DNAAF5: variants seen among roughly 807,000 people sequenced by gnomAD.
DNAAF5 encodes HEAT repeat containing 2.
DNAAF5 carries 64 observed loss-of-function variants against 75.8 expected under a neutral mutation model. The observed-to-expected ratio is 0.84, with a 90% confidence interval of 0.69 to 1.04. The LOEUF (loss-of-function observed/expected upper bound fraction) is 1.04, where lower values mean the gene tolerates loss of function less well. Ranked by LOEUF, DNAAF5 falls within the 50% of genes least tolerant of loss-of-function variation. DNAAF5 has a pLI of 0.00. For missense variants in DNAAF5, 1,269 were observed against 1,178.5 expected, an observed-to-expected ratio of 1.08 and a Z score of -1.12; for synonymous variants, 657 against 557.2, an observed-to-expected ratio of 1.18 and a Z score of -2.52.
intron 8 of DNAAF5, among the ~76,000 whole-genome samples, chr7:767,700 C>T (rs1444139911): frequency 6.6e-6 from 1 of 151,868 alleles, no homozygotes; most frequent in African/African-American, 2.4e-5. Context: ...AGGGGAGACA[C>T]GTGATCAGGG....
chr7:739,330 G>A (rs549839342), intron 2 of DNAAF5, among the ~76,000 whole-genome samples: 7 of 152,334 alleles, frequency 4.6e-5, no homozygotes, highest in East Asian at 1.9e-4. Flanking sequence ...AGGTGCGGCC[G>A]TGGCAGGTGT....
At chr7:737,979 ATAT>A (rs1781788819) in intron 2 of DNAAF5, among the ~76,000 whole-genome samples, 1 of 151,994 alleles carries the variant, frequency 6.6e-6, no homozygotes, top group Admixed American at 6.6e-5. Context: ...AAATTCTTTG[ATAT>A]TATCCCTTTG....
intron 4 of DNAAF5, among the ~76,000 whole-genome samples, chr7:745,072 T>G (rs1782040894): frequency 6.6e-6 from 1 of 152,186 alleles, no homozygotes; most frequent in Non-Finnish European, 1.5e-5. Flanking sequence ...TCTGCGTTGG[T>G]CGGACCTTTA....
intron 9 of DNAAF5, among the ~76,000 whole-genome samples, chr7:773,642 G>T (rs965140763): frequency 8.5e-5 from 13 of 152,176 alleles, no homozygotes; most frequent in Non-Finnish European, 1.5e-5. Context: ...TTTTTCTGGG[G>T]GAGGGATGCA....
At chr7:783,578 C>T (rs73036266) in intron 12 of DNAAF5, among the ~76,000 whole-genome samples, 4,618 of 152,292 alleles carry the variant, frequency 0.03, 116 homozygotes, top group Non-Finnish European at 0.046. Context: ...CATTGATCCA[C>T]GGCGGGGCCC....
At chr7:774,017 T>C (rs1778667102) in intron 9 of DNAAF5, 31 bp from the exon 10 acceptor site, 1 of 1,613,840 alleles carries the variant, frequency 6.2e-7, no homozygotes, top group Non-Finnish European at 8.5e-7. Context: ...CTGTCCGGTC[T>C]CCTCATCCAC....
At chr7:755,236 A>G (rs1782446523) in intron 5 of DNAAF5, among the ~76,000 whole-genome samples, 1 of 152,106 alleles carries the variant, frequency 6.6e-6, no homozygotes, top group Non-Finnish European at 1.5e-5. Context: ...ACGGGGGATG[A>G]TGGCACAGCT....
chr7:748,434 G>A (rs893600488), intron 4 of DNAAF5, among the ~76,000 whole-genome samples: 2 of 152,234 alleles, frequency 1.3e-5, no homozygotes, highest in African/African-American at 4.8e-5. Context: ...CGTCTTTGGT[G>A]GCCATTCAGA....
At chr7:782,835 G>A (rs1421214708) in intron 12 of DNAAF5, among the ~76,000 whole-genome samples, 2 of 139,366 alleles carry the variant, frequency 1.4e-5, no homozygotes, top group African/African-American at 2.7e-5. Context: ...CCTCCCATCC[G>A]GCGGCATCAG....
Position 770,629 on chromosome 7 carries a change from G to A in DNAAF5, c.1931+11G>A. 1 of 1,611,684 alleles carries A rather than the reference G, an allele frequency of 6.2e-7. No homozygotes were observed. Among genetic ancestry groups the A allele is most frequent in the Non-Finnish European group, 8.5e-7 (1 of 1,179,178 alleles). Reference sequence around the variant, plus strand: ...CATCAACTCCCAGGGGTAGGTCCGGGCTCTGCCTCTGCACGGCCCCCAGCT... The same window carrying A: ...CATCAACTCCCAGGGGTAGGTCCGGACTCTGCCTCTGCACGGCCCCCAGCT... On this transcript the variant is annotated intron_variant, in intron 9 of 12. Transcript: ENST00000297440.
chr7:762,673 G>A (rs1782698651), intron 7 of DNAAF5, among the ~76,000 whole-genome samples: 1 of 151,860 alleles, frequency 6.6e-6, no homozygotes, highest in Non-Finnish European at 1.5e-5. Flanking sequence ...GAGTGCAGTG[G>A]CGCGATCTCG....
intron 12 of DNAAF5, among the ~76,000 whole-genome samples, chr7:783,517 T>C (rs765890288): frequency 1.3e-4 from 20 of 152,164 alleles, no homozygotes; most frequent in Non-Finnish European, 2.5e-4. Context: ...CGGGAGCCCC[T>C]GCCTTGAGTC....
At position 774,206 on chromosome 7, in the gene DNAAF5, G is replaced by C. The variant is rs1778676613; in HGVS notation, c.2082+8G>C. 1.3e-6 allele frequency: 2 copies of C among 1,599,884 alleles called. No individual in the cohort carries two copies. The highest frequency in any genetic ancestry group is 1.3e-5 in the African/African-American group (1 of 74,908). On this transcript the variant is annotated splice_region_variant and intron_variant, in intron 10 of 12. Transcript: ENST00000297440. ...GTCCTGTCGGCAGAGCAGGTACGGG[G>C]CTCCCTGCGTGCTCGGTGGACACCG...
intron 2 of DNAAF5, 56 bp from the exon 3 acceptor site, chr7:740,763 C>G (rs1781879619): frequency 6.2e-7 from 1 of 1,603,480 alleles, no homozygotes; most frequent in Non-Finnish European, 8.5e-7. Flanking sequence ...ACCGTGGCGT[C>G]AGCCCCGGCA....
chr7:752,099 C>T (rs1188501228), intron 4 of DNAAF5, among the ~76,000 whole-genome samples: 5 of 152,246 alleles, frequency 3.3e-5, no homozygotes, highest in Non-Finnish European at 7.4e-5. Context: ...AGAACGAGAG[C>T]GTCCAGAAAC....
intron 2 of DNAAF5, chr7:732,601 C>T (rs1466381103): frequency 4.4e-6 from 2 of 455,982 alleles, no homozygotes; most frequent in African/African-American, 2.0e-5. Context: ...GTGTTTGTCA[C>T]GTTCCTGCCA....
intron 9 of DNAAF5, 35 bp downstream of exon 9, chr7:770,653 C>G (rs774241815): frequency 6.2e-7 from 1 of 1,600,316 alleles, no homozygotes. Flanking sequence ...CGGCCCCCAG[C>G]TGGGGCCTGG....
intron 4 of DNAAF5, among the ~76,000 whole-genome samples, chr7:749,050 T>A (rs1315075800): frequency 6.6e-6 from 1 of 152,214 alleles, no homozygotes; most frequent in Admixed American, 6.5e-5. Context: ...AATTTGTTGT[T>A]AGCTTTGCAG....
At position 756,924 on chromosome 7, in the gene DNAAF5, C is replaced by A. The variant is rs1782503865; in HGVS notation, c.1400C>A (p.Ala467Asp). The A allele has an allele frequency of 1.2e-6, 2 of 1,610,070 alleles. No individual in the cohort carries two copies. Among genetic ancestry groups the A allele is most frequent in the Non-Finnish European group, 1.7e-6 (2 of 1,179,982 alleles). Residue 467 changes from alanine (A) to aspartate (D), a missense_variant, in exon 6 of 13, where the codon GCC becomes GAC. By Grantham distance (126) the Ala-to-Asp change is moderately radical. Transcript: ENST00000297440. ...GCCATGCGGGGTTGCCCCCGAGAAGCCCTCCAGCCGCACCTGGCAGCCATC... is the reference window on the plus strand; with the variant it reads ...GCCATGCGGGGTTGCCCCCGAGAAGACCTCCAGCCGCACCTGGCAGCCATC... ...ASAMRGCPRE[A>D]LQPHLAAIAT...
Sources: allele counts gnomAD v4.1 joint callset (sites outside exome capture counted in the v4.1 genomes callset), GRCh38; gene constraint gnomAD v4.1.1; transcripts MANE v1.5; gene names NCBI Gene and HGNC (gene_info 2026-07-23, HGNC 2026-07-21).